The following EDA2R variants were observed in gnomAD, a reference collection of about 807,000 sequenced individuals.
The protein encoded by EDA2R is tumor necrosis factor receptor superfamily member 27.
EDA2R carries 26 observed loss-of-function variants against 20.1 expected under a neutral mutation model. The ratio of observed to expected loss-of-function variants is 1.30; its 90% confidence interval spans 0.95 to 1.80. The LOEUF (loss-of-function observed/expected upper bound fraction) is 1.80, where lower values mean the gene tolerates loss of function less well. EDA2R is among the 40% of genes most tolerant of loss of function. EDA2R has a pLI of 0.00. For synonymous variants in EDA2R, 114 were observed against 88.7 expected (o/e 1.29, Z -1.60); for missense variants, 277 against 228.7 (o/e 1.21, Z -1.36).
At chrX:66,611,494 T>A (rs748026874) in intron 2 of EDA2R, among the ~76,000 whole-genome samples, 1 of 111,135 alleles carries the variant, frequency 9.0e-6, no homozygotes, top group Admixed American at 9.6e-5. Context: ...GAAACAGAAG[T>A]TTTTTTTAAA....
intron 1 of EDA2R, among the ~76,000 whole-genome samples, chrX:66,621,364 T>C (rs900572775): frequency 6.2e-5 from 7 of 112,141 alleles, no homozygotes; most frequent in African/African-American, 2.3e-4. Flanking sequence ...TTAAACATCA[T>C]GTTACAACAT....
intron 1 of EDA2R, among the ~76,000 whole-genome samples, chrX:66,627,021 C>T (rs184127807): frequency 2.7e-5 from 3 of 111,403 alleles, no homozygotes; most frequent in Admixed American, 9.5e-5. Context: ...TGAAAGTAAG[C>T]ATCATATATG....
intron 1 of EDA2R, among the ~76,000 whole-genome samples, chrX:66,637,147 T>C (rs991233190): frequency 2.0e-4 from 22 of 112,315 alleles, no homozygotes. Context: ...GAGATGGGAA[T>C]GCACAACCTT....
At chrX:66,609,926 A>G (rs1201894565) in intron 2 of EDA2R, among the ~76,000 whole-genome samples, 1 of 111,961 alleles carries the variant, frequency 8.9e-6, no homozygotes, top group Non-Finnish European at 1.9e-5. Context: ...TTAAAACCAA[A>G]AAGTACCAAA....
intron 1 of EDA2R, among the ~76,000 whole-genome samples, chrX:66,630,919 ATG>A (rs893927041): frequency 1.8e-5 from 2 of 109,880 alleles, no homozygotes; most frequent in Non-Finnish European, 1.9e-5. Flanking sequence ...ACACATGTAC[ATG>A]TGTGTATATA....
chrX:66,604,554 C>A (rs771859884), intron 3 of EDA2R, 48 bp from the exon 4 acceptor site: 3 of 1,092,421 alleles, frequency 2.7e-6, no homozygotes, highest in South Asian at 4.2e-5. Context: ...ACAAGCAATG[C>A]ACTTGGACCA....
chrX:66,604,068 A>G (rs1236195899), intron 4 of EDA2R, among the ~76,000 whole-genome samples: 1 of 111,380 alleles, frequency 9.0e-6, no homozygotes, highest in Admixed American at 9.5e-5. Context: ...AGGGGCTCCT[A>G]TATACTTCAT....
intron 1 of EDA2R, among the ~76,000 whole-genome samples, chrX:66,627,378 C>G (rs1447221689): frequency 8.9e-6 from 1 of 111,815 alleles, no homozygotes; most frequent in East Asian, 2.8e-4. Context: ...CTGCTGCCTT[C>G]AGGACAATCA....
At chrX:66,638,233 G>A (rs1213884286) in intron 1 of EDA2R, among the ~76,000 whole-genome samples, 1 of 111,643 alleles carries the variant, frequency 9.0e-6, no homozygotes, top group African/African-American at 3.3e-5. Context: ...TTGAAGGTAT[G>A]TTGGGGTGAA....
upstream of EDA2R, chrX:66,639,222 T>C (rs1367384715): frequency 1.0e-5 from 1 of 98,167 alleles, no homozygotes; most frequent in Non-Finnish European, 2.0e-5. Context: ...TTCCTTGTAA[T>C]CAAAGTTCCG....
At chrX:66,637,700 T>C (rs1474094866) in intron 1 of EDA2R, among the ~76,000 whole-genome samples, 1 of 112,619 alleles carries the variant, frequency 8.9e-6, no homozygotes, top group South Asian at 3.6e-4. Flanking sequence ...TGTGCCACAG[T>C]CTATCTTAAA....
intron 1 of EDA2R, among the ~76,000 whole-genome samples, chrX:66,632,608 G>GAAA (rs371914399): frequency 2.5e-5 from 2 of 80,280 alleles, no homozygotes; most frequent in Non-Finnish European, 5.1e-5. Flanking sequence ...AGCCAGAGAA[G>GAAA]AAAAAAAAAA....
intron 1 of EDA2R, among the ~76,000 whole-genome samples, chrX:66,618,542 C>T (rs1569244005): frequency 8.9e-6 from 1 of 112,394 alleles, no homozygotes; most frequent in Admixed American, 9.4e-5. Flanking sequence ...AAGGATGTGG[C>T]TGAATCCTCT....
intron 5 of EDA2R, 101 bp downstream of exon 5, chrX:66,602,532 G>T (rs1479711620): frequency 3.2e-6 from 3 of 933,754 alleles, no homozygotes; most frequent in Non-Finnish European, 4.3e-6. Context: ...TTCAAGCATG[G>T]TAGAAAAGGC....
At chrX:66,600,982 A>G (rs1357274235) in intron 5 of EDA2R, among the ~76,000 whole-genome samples, 1 of 112,206 alleles carries the variant, frequency 8.9e-6, no homozygotes, top group Non-Finnish European at 1.9e-5. Flanking sequence ...CCACAGTTGC[A>G]CTTTTCTCTC....
intron 1 of EDA2R, among the ~76,000 whole-genome samples, chrX:66,627,570 C>A (rs1378141760): frequency 8.9e-6 from 1 of 112,423 alleles, no homozygotes; most frequent in Non-Finnish European, 1.9e-5. Context: ...CCTTGTCCAA[C>A]AGGAAAATAT....
chrX:66,630,859 G>GTA (rs1337716547), intron 1 of EDA2R, among the ~76,000 whole-genome samples: 222 of 78,679 alleles, frequency 2.8e-3, no homozygotes, highest in Non-Finnish European at 4.4e-3. Flanking sequence ...ACAAACACAC[G>GTA]TATATATATA....
At chrX:66,602,434 G>T (rs1018929155) in intron 5 of EDA2R, among the ~76,000 whole-genome samples, 199 bp downstream of exon 5, 1 of 110,698 alleles carries the variant, frequency 9.0e-6, no homozygotes, top group South Asian at 3.9e-4. Context: ...AAACTCTCAG[G>T]GTTGGCTTCA....
rs1040726494 is a variant in EDA2R at position 66,620,409 on chromosome X, C to T, written c.-10-4379G>A. The stretch of plus-strand genomic sequence containing the variant: ...ATATCCACATGCAAAAGAATCAAAT[C>T]GGACCCCTACCTCATATCATATACA... On this transcript the variant is annotated intron_variant, in intron 1 of 6. Coordinates refer to ENST00000374719, the MANE Select transcript of EDA2R (RefSeq NM_021783.5). Among the ~76,000 whole-genome samples, 17 of 111,316 alleles carry T rather than the reference C, an allele frequency of 1.5e-4. No individual in the cohort carries two copies. The East Asian group carries it at 4.2e-3, about 28-fold the overall frequency.
Sources: allele counts gnomAD v4.1 joint callset (sites outside exome capture counted in the v4.1 genomes callset), GRCh38; gene constraint gnomAD v4.1.1; transcripts MANE v1.5; gene names NCBI Gene and HGNC (gene_info 2026-07-23, HGNC 2026-07-21).